The following PAX5 variants were observed in gnomAD, a reference collection of about 807,000 sequenced individuals.
The protein encoded by PAX5 is paired box protein Pax-5.
PAX5 carries 9 observed loss-of-function variants against 43.7 expected under a neutral mutation model. The ratio of observed to expected loss-of-function variants is 0.21; its 90% CI spans 0.12 to 0.36. PAX5 has a LOEUF of 0.36. Ranked by LOEUF, PAX5 falls within the 10% of genes least tolerant of loss-of-function variation. PAX5 has a pLI of 1.00. For missense variants in PAX5, 383 were observed against 532.7 expected (o/e 0.72, Z 2.77); for synonymous variants, 228 against 214.3 (o/e 1.06, Z -0.56).
intron 7 of PAX5, among the ~76,000 whole-genome samples, chr9:36,887,300 C>A (rs1207219478): frequency 2.6e-5 from 4 of 152,116 alleles, no homozygotes; most frequent in Non-Finnish European, 2.9e-5. Context: ...CTCAAAAGAT[C>A]CAATCCATAT....
chr9:36,905,953 C>T (rs910299480), intron 7 of PAX5, among the ~76,000 whole-genome samples: 2 of 152,162 alleles, frequency 1.3e-5, no homozygotes, highest in Non-Finnish European at 2.9e-5. Context: ...ATTATCTCAA[C>T]ACTGGGGCAG....
chr9:36,924,104 C>T (rs1206839663), intron 6 of PAX5, among the ~76,000 whole-genome samples: 1 of 152,158 alleles, frequency 6.6e-6, no homozygotes. Context: ...ACTGAGCCAC[C>T]ATTTGGCAAG....
At chr9:37,029,815 A>G (rs1405114067) in intron 1 of PAX5, among the ~76,000 whole-genome samples, 3 of 152,212 alleles carry the variant, frequency 2.0e-5, no homozygotes, top group Non-Finnish European at 4.4e-5. Context: ...CCTCGAAGCT[A>G]TGCTTTCTCC....
intron 6 of PAX5, among the ~76,000 whole-genome samples, chr9:36,924,828 GAAGGGAGAGAA>G: frequency 7.2e-5 from 2 of 27,662 alleles, no homozygotes; most frequent in East Asian, 2.8e-3. Context: ...AAGAAAGAAG[GAAGGGAGAGAA>G]AGGGAGGGAG....
chr9:36,861,558 A>G (rs1824215496), intron 8 of PAX5, among the ~76,000 whole-genome samples: 1 of 151,604 alleles, frequency 6.6e-6, no homozygotes, highest in Non-Finnish European at 1.5e-5. Flanking sequence ...ACTCCACTGA[A>G]AAGGTGACTT....
In PAX5 at chr9:36,840,391, A is replaced by C; in HGVS notation, c.*169T>G. 5.7e-6 allele frequency: 4 copies of C among 698,584 alleles called. No homozygotes were observed. The highest frequency in any genetic ancestry group is 2.4e-5 in the Admixed American group (1 of 42,476). 43.3% of individuals were successfully genotyped at this position (698,584 alleles called of 1,614,324 possible). ...AAGCATCCAGAAGTCCAACGGCCCC[A>C]CCAAAGGGCCCCAGAGTCCCTGGAG... On this transcript the variant is annotated 3_prime_UTR_variant, in exon 10 of 10. Coordinates refer to ENST00000358127, the MANE Select transcript of PAX5 (RefSeq NM_016734.3).
At chr9:36,978,192 T>C (rs963662815) in intron 5 of PAX5, among the ~76,000 whole-genome samples, 2 of 152,248 alleles carry the variant, frequency 1.3e-5, no homozygotes, top group Admixed American at 1.3e-4. Flanking sequence ...ACAGGGCAAG[T>C]CTGTTCTCTC....
At chr9:36,849,550 C>A (rs1440367714) in intron 8 of PAX5, among the ~76,000 whole-genome samples, 1 of 152,210 alleles carries the variant, frequency 6.6e-6, no homozygotes, top group African/African-American at 2.4e-5. Context: ...CCTAGGTCAA[C>A]CAGGCACACG....
At chr9:36,872,197 G>T (rs976594229) in intron 8 of PAX5, among the ~76,000 whole-genome samples, 2 of 152,024 alleles carry the variant, frequency 1.3e-5, no homozygotes, top group Non-Finnish European at 2.9e-5. Flanking sequence ...AAGTCCTCAG[G>T]CTCTTCTCCT....
intron 6 of PAX5, among the ~76,000 whole-genome samples, chr9:36,947,405 T>C (rs553094522): frequency 6.0e-4 from 92 of 152,348 alleles, no homozygotes; most frequent in African/African-American, 1.8e-3. Flanking sequence ...ATTTATTTTT[T>C]ATTTTTTTAA....
intron 7 of PAX5, among the ~76,000 whole-genome samples, chr9:36,910,410 T>A (rs1011918278): frequency 2.0e-5 from 3 of 152,226 alleles, no homozygotes; most frequent in Non-Finnish European, 2.9e-5. Flanking sequence ...TCTTTCCCAC[T>A]CCATTGTGTG....
intron 8 of PAX5, among the ~76,000 whole-genome samples, chr9:36,868,811 C>G (rs1825150615): frequency 6.6e-6 from 1 of 152,160 alleles, no homozygotes; most frequent in South Asian, 2.1e-4. Flanking sequence ...TGCAACACCA[C>G]CTCCCGAACC....
At chr9:36,898,252 C>T (rs1294290517) in intron 7 of PAX5, among the ~76,000 whole-genome samples, 3 of 152,248 alleles carry the variant, frequency 2.0e-5, no homozygotes, top group African/African-American at 7.2e-5. Context: ...CAGGCCAGTG[C>T]TTGCCAGCCC....
In PAX5 at chr9:36,833,660, A is replaced by T. The variant is rs1431901382; in HGVS notation, c.*6900T>A. On this transcript the variant is annotated 3_prime_UTR_variant, in exon 10 of 10. Coordinates refer to ENST00000358127, the MANE Select transcript of PAX5 (RefSeq NM_016734.3). ...TTGGCACTGCTGTAATTACATTCAA[A>T]TATTATTACACACAAAAGCAACACA... The T allele has an allele frequency of 1.3e-5, 3 of 233,110 alleles. No homozygotes were observed. Among genetic ancestry groups the T allele is most frequent in the Non-Finnish European group, 2.5e-5 (3 of 118,054 alleles). 14.4% of individuals were successfully genotyped at this position (233,110 alleles called of 1,614,324 possible).
In PAX5 at chr9:36,838,451, T is replaced by C. The variant is rs1249931770; in HGVS notation, c.*2109A>G. On this transcript the variant is annotated 3_prime_UTR_variant, in exon 10 of 10. Transcript: ENST00000358127. ...TCACTGCTTGAGGACTCCACCTTGC[T>C]GAGCCTTAGTTTTCTCTTCTGTTCC... 8.6e-6 allele frequency: 2 copies of C among 232,194 alleles called. No homozygotes were observed. The highest frequency in any genetic ancestry group is 1.7e-5 in the Non-Finnish European group (2 of 117,466). The allele number at this position is 232,194 out of a possible 1,614,324, so 14.4% of individuals were successfully genotyped here. A position where few individuals can be genotyped will look rare whatever the true frequency, so the allele number is the denominator to read the frequency against.
intron 5 of PAX5, among the ~76,000 whole-genome samples, chr9:36,976,613 G>T (rs1835450332): frequency 7.1e-6 from 1 of 141,568 alleles, no homozygotes; most frequent in Admixed American, 7.3e-5. Flanking sequence ...TGGGGCTGCA[G>T]ACTAAGAAAA....
At chr9:36,843,857 T>C (rs932943372) in intron 9 of PAX5, among the ~76,000 whole-genome samples, 1 of 152,210 alleles carries the variant, frequency 6.6e-6, no homozygotes, top group African/African-American at 2.4e-5. Context: ...ACAGAGCTTC[T>C]GGTGCCCAGT....
At chr9:36,944,211 A>G (rs1832311091) in intron 6 of PAX5, among the ~76,000 whole-genome samples, 1 of 152,166 alleles carries the variant, frequency 6.6e-6, no homozygotes, top group African/African-American at 2.4e-5. Flanking sequence ...TTAAAAAATA[A>G]TAATAATTGG....
chr9:36,886,296 G>A (rs772625957), intron 7 of PAX5, among the ~76,000 whole-genome samples: 3 of 152,110 alleles, frequency 2.0e-5, no homozygotes, highest in Admixed American at 6.5e-5. Context: ...TGTCATCACT[G>A]TTCTCTACTT....
Sources: gnomAD v4.1 joint callset for allele counts (sites outside exome capture counted in the v4.1 genomes callset) on GRCh38, gnomAD v4.1.1 for gene constraint, MANE v1.5 for transcripts, NCBI Gene and HGNC (gene_info 2026-07-23, HGNC 2026-07-21) for gene names.